Variants in NTRK1 observed in about 807,000 individuals in gnomAD.
NTRK1 encodes neurotrophic receptor tyrosine kinase 1.
A neutral mutation model predicts 86.8 loss-of-function variants in NTRK1; 62 were observed. The ratio of observed to expected loss-of-function variants is 0.71; its 90% CI spans 0.58 to 0.88. The LOEUF (loss-of-function observed/expected upper bound fraction) is 0.88. NTRK1 is among the 40% of genes least tolerant of loss of function. The pLI is 0.00. For synonymous variants in NTRK1, 469 were observed against 456.6 expected (o/e 1.03, Z -0.35); for missense variants, 967 against 1,078.4 (o/e 0.90, Z 1.45).
rs1350348408 is a variant in NTRK1 at position 156,871,768 on chromosome 1, G to A, written c.850+13G>A. On this transcript the variant is annotated intron_variant, in intron 7 of 16. Transcript: ENST00000524377. ...GTCAACGTCTCCTGTGAGTCTCAGT[G>A]GCAGCTCCGGCACCCACCCCCTACT... The A allele has an allele frequency of 6.2e-7, 1 of 1,614,074 alleles. No homozygotes were observed.
chr1:156,857,940 G>T (rs551379187), upstream of NTRK1, among the ~76,000 whole-genome samples: 21 of 151,496 alleles, frequency 1.4e-4, no homozygotes, highest in South Asian at 4.2e-3. Context: ...TCTCTAAAAC[G>T]TACTGATGGG....
intron 14 of NTRK1, among the ~76,000 whole-genome samples, chr1:156,876,949 C>T (rs1010555433): frequency 1.3e-5 from 2 of 152,222 alleles, no homozygotes; most frequent in Non-Finnish European, 1.5e-5. Flanking sequence ...TTATCAGGCA[C>T]CTTCTATGTT....
rs764417252 is a variant in NTRK1 at position 156,876,428 on chromosome 1, G to C, written c.1661G>C (p.Arg554Pro). 6.8e-6 allele frequency: 11 copies of C among 1,613,750 alleles called. No individual in the cohort carries two copies. Among genetic ancestry groups the C allele is most frequent in the Non-Finnish European group, 9.3e-6 (11 of 1,180,036 alleles). Reference protein sequence around the residue: ...KALKEASESARQDFQREAELL... With the variant: ...KALKEASESAPQDFQREAELL... ...CTGAAGGAGGCGTCCGAGAGTGCTC[G>C]GCAGGACTTCCAGCGTGAGGCTGAG... Residue 554 changes from arginine to proline, a missense_variant, in exon 14 of 17, where the codon CGG (arginine) becomes CCG (proline). Arg to Pro is a moderately radical substitution (Grantham distance 103). This residue lies in a region of NTRK1 where 637 missense variants were observed against 776.5 expected (regional missense o/e 0.82). Transcript: ENST00000524377.
In NTRK1 at chr1:156,870,261, C is replaced by A. The variant is rs1036239476; in HGVS notation, c.718-1362C>A. Among the ~76,000 whole-genome samples the A allele has an allele frequency of 3.9e-5, 6 of 152,318 alleles. No individual in the cohort carries two copies. The East Asian group carries it at 5.8e-4, about 15-fold the overall frequency. ...CTAGAAACTACCTATACAAAAGTCACTCCCTACTGGGCACAGTGGCCCATA... is the reference window on the plus strand; with the variant it reads ...CTAGAAACTACCTATACAAAAGTCAATCCCTACTGGGCACAGTGGCCCATA... On this transcript the variant is annotated intron_variant, in intron 6 of 16. Coordinates refer to ENST00000524377, the MANE Select transcript of NTRK1 (RefSeq NM_002529.4).
intron 1 of NTRK1, chr1:156,840,424 G>C: frequency 6.3e-6 from 1 of 158,382 alleles, no homozygotes; most frequent in South Asian, 1.7e-4. Flanking sequence ...AGGCAGTCAT[G>C]TGGAGCCCCA....
chr1:156,864,264 G>T, intron 1 of NTRK1, 90 bp from the exon 2 acceptor site: 2 of 1,223,394 alleles, frequency 1.6e-6, no homozygotes, highest in South Asian at 2.4e-5. Context: ...CATGTGGCAT[G>T]TGCATGTGTA....
intron 7 of NTRK1, 63 bp downstream of exon 7, chr1:156,871,818 A>G (rs962465195): frequency 3.1e-6 from 5 of 1,608,274 alleles, no homozygotes; most frequent in Non-Finnish European, 4.3e-6. Flanking sequence ...TCAAAAGAGG[A>G]TGTAGGGTGG....
intron 1 of NTRK1, among the ~76,000 whole-genome samples, chr1:156,824,197 C>A (rs1415200683): frequency 2.0e-5 from 3 of 152,060 alleles, no homozygotes; most frequent in Non-Finnish European, 4.4e-5. Context: ...CCTGGACTAT[C>A]GCTCCCCATG....
chr1:156,816,985 T>C, intron 1 of NTRK1: 1 of 336,980 alleles, frequency 3.0e-6, no homozygotes. Context: ...CCCTTACTGC[T>C]GCCTGACCTT....
At chr1:156,822,609 G>GAAAAA (rs35686944) in intron 1 of NTRK1, among the ~76,000 whole-genome samples, 2 of 81,302 alleles carry the variant, frequency 2.5e-5, no homozygotes, top group African/African-American at 3.2e-5. Flanking sequence ...TAAAAGATTA[G>GAAAAA]AAAAAAAAAA....
At chr1:156,868,955 C>G (rs573173890) in intron 6 of NTRK1, among the ~76,000 whole-genome samples, 1 of 152,254 alleles carries the variant, frequency 6.6e-6, no homozygotes, top group East Asian at 1.9e-4. Context: ...TCACAGAAAC[C>G]TTACATGTTG....
chr1:156,845,842 AAGAC>A (rs1318909314), intron 2 of NTRK1: 4 of 1,603,260 alleles, frequency 2.5e-6, no homozygotes, highest in Non-Finnish European at 3.4e-6. Flanking sequence ...AGACACTAGT[AAGAC>A]AGGCGGTCTA....
chr1:156,838,210 T>C (rs893582998), intron 1 of NTRK1, among the ~76,000 whole-genome samples: 1 of 151,834 alleles, frequency 6.6e-6, no homozygotes, highest in Non-Finnish European at 1.5e-5. Context: ...CAAAGATGCA[T>C]CAGTTGTTCC....
rs16837724 is a variant in NTRK1, at chr1:156,868,055, T to C, written c.429-49T>C. The C allele has an allele frequency of 0.05, 80,880 of 1,609,634 alleles. 2,445 individuals are homozygous for C. Among genetic ancestry groups the C allele is most frequent in the Non-Finnish European group, 0.059 (70,012 of 1,177,532 alleles). On this transcript the variant is annotated intron_variant, in intron 4 of 16. Transcript: ENST00000524377. ...AACTGCTCCCTCTTATCCCCTGTGA[T>C]CCCTCAGGCCCTTTCCTTGACTCTG... is the stretch of plus-strand genomic sequence containing the variant.
At chr1:156,843,145 C>T (rs1269765821) in intron 2 of NTRK1, 1 of 1,614,052 alleles carries the variant, frequency 6.2e-7, no homozygotes, top group East Asian at 2.2e-5. Flanking sequence ...GTGCCAGCCC[C>T]TCATATACCA....
In NTRK1 at chr1:156,881,443, T is replaced by A. The variant is rs1366811715; in HGVS notation, c.2206-14T>A. The stretch of plus-strand genomic sequence containing the variant: ...CCTAGTGGGCTTTCTCCTCTGTCTC[T>A]CCGGTGGCCCCAGGCAATCGACTGC... On this transcript the variant is annotated splice_polypyrimidine_tract_variant and intron_variant, in intron 16 of 16. Transcript: ENST00000524377. The A allele has an allele frequency of 1.3e-6, 2 of 1,554,608 alleles. No individual in the cohort carries two copies. The highest frequency in any genetic ancestry group is 1.9e-5 in the Admixed American group (1 of 51,330).
At chr1:156,844,575 C>T (rs748525262) in intron 2 of NTRK1, 1 of 1,614,132 alleles carries the variant, frequency 6.2e-7, no homozygotes, top group Non-Finnish European at 8.5e-7. Context: ...CAGGTGGACT[C>T]CCCCAAACTT....
At chr1:156,815,980 C>G in intron 1 of NTRK1, 2 of 1,611,488 alleles carry the variant, frequency 1.2e-6, no homozygotes, top group Non-Finnish European at 1.7e-6. Context: ...AGCTGCACCA[C>G]GCTGCCGCCC....
At chr1:156,871,199 T>C (rs1434710044) in intron 6 of NTRK1, among the ~76,000 whole-genome samples, 1 of 152,166 alleles carries the variant, frequency 6.6e-6, no homozygotes, top group South Asian at 2.1e-4. Context: ...TAGTTTCAGT[T>C]TGGGATATTT....
Sources: gnomAD v4.1 joint callset for allele counts (sites outside exome capture counted in the v4.1 genomes callset) on GRCh38, gnomAD v4.1.1 for gene constraint, gnomAD v4.1.1 regional missense constraint, MANE v1.5 for transcripts, NCBI Gene and HGNC (gene_info 2026-07-23, HGNC 2026-07-21) for gene names.